The following ADARB2 variants were observed in gnomAD, a reference collection of about 807,000 sequenced individuals.
The protein encoded by ADARB2 is inactive double-stranded RNA-specific editase B2.
ADARB2 carries 25 observed loss-of-function variants against 62.2 expected under a neutral mutation model. The ratio of observed to expected loss-of-function variants is 0.40; its 90% CI spans 0.29 to 0.56. The LOEUF (loss-of-function observed/expected upper bound fraction) is 0.56, where lower values mean the gene tolerates loss of function less well. Ranked by LOEUF, ADARB2 falls within the 20% of genes least tolerant of loss-of-function variation. The probability of loss-of-function intolerance (pLI) is 0.43; values close to 1 mark genes in which losing one functional copy is unlikely to be tolerated. For synonymous variants in ADARB2, 572 were observed against 500.8 expected, an observed-to-expected ratio of 1.14 and a Z score of -1.90; for missense variants, 1,071 against 1,077.4, an observed-to-expected ratio of 0.99 and a Z score of 0.08.
At chr10:1,664,196 C>G (rs900878394) in intron 1 of ADARB2, among the ~76,000 whole-genome samples, 10 of 151,316 alleles carry the variant, frequency 6.6e-5, no homozygotes, top group Non-Finnish European at 1.3e-4. Flanking sequence ...ATGTGGGTTT[C>G]TGTGTGTCCG....
At chr10:1,320,617 C>T (rs1379657901) in intron 3 of ADARB2, among the ~76,000 whole-genome samples, 8 of 152,154 alleles carry the variant, frequency 5.3e-5, no homozygotes, top group Non-Finnish European at 1.2e-4. Context: ...AGAATTTTTC[C>T]ACAATGAATT....
chr10:1,535,210 G>A (rs905271063), intron 1 of ADARB2, among the ~76,000 whole-genome samples: 28 of 152,098 alleles, frequency 1.8e-4, no homozygotes, highest in South Asian at 1.5e-3. Context: ...TCTTTACGCC[G>A]TCCCCGGGCA....
chr10:1,644,581 C>G (rs1342375363), intron 1 of ADARB2, among the ~76,000 whole-genome samples: 1 of 152,248 alleles, frequency 6.6e-6, no homozygotes, highest in African/African-American at 2.4e-5. Flanking sequence ...GCAGGCTGTT[C>G]CCATTGCTGT....
chr10:1,397,861 G>C (rs751718819), intron 1 of ADARB2, among the ~76,000 whole-genome samples: 17 of 70,934 alleles, frequency 2.4e-4, no homozygotes, highest in African/African-American at 3.0e-4. Flanking sequence ...CTCCCGAGTG[G>C]AGGCTTCCTG....
intron 1 of ADARB2, among the ~76,000 whole-genome samples, chr10:1,677,639 C>T (rs1834484101): frequency 6.6e-6 from 1 of 152,192 alleles, no homozygotes; most frequent in Admixed American, 6.5e-5. Flanking sequence ...AAGAAGGCGG[C>T]TGTCTACCTG....
intron 1 of ADARB2, among the ~76,000 whole-genome samples, chr10:1,494,527 G>C (rs1453739778): frequency 6.6e-6 from 1 of 152,044 alleles, no homozygotes; most frequent in East Asian, 1.9e-4. Flanking sequence ...AGCACTCTTG[G>C]GGACAATAAC....
At chr10:1,262,908 TA>T (rs1261112295) in intron 4 of ADARB2, among the ~76,000 whole-genome samples, 2 of 151,952 alleles carry the variant, frequency 1.3e-5, no homozygotes, top group African/African-American at 4.8e-5. Context: ...TAGACTGGTT[TA>T]AGAAAATGTG....
chr10:1,607,697 T>C (rs140098234), intron 1 of ADARB2, among the ~76,000 whole-genome samples: 1 of 152,294 alleles, frequency 6.6e-6, no homozygotes, highest in African/African-American at 2.4e-5. Context: ...GCGACATGCA[T>C]AGAATCATGA....
chr10:1,592,446 C>A lies in ADARB2; in HGVS notation c.100+144605G>T, dbSNP rs879082452. Among the ~76,000 whole-genome samples, 38 of 16,684 alleles carry A rather than the reference C, an allele frequency of 2.3e-3. 11 individuals are homozygous for A. The highest frequency in any genetic ancestry group is 0.011 in the East Asian group (2 of 178). The allele number at this position is 16,684 out of a possible 152,430, so 10.9% of individuals were successfully genotyped here. A position where few individuals can be genotyped will look rare whatever the true frequency, so the allele number is the denominator to read the frequency against. ...ATGGTCCCCTCTGTCACCCAGCTAC[C>A]CTCGCCCAAGCCACCCTCCATAGGT... On this transcript the variant is annotated intron_variant, in intron 1 of 9. Transcript: ENST00000381312.
At chr10:1,275,959 A>G (rs571003207) in intron 3 of ADARB2, among the ~76,000 whole-genome samples, 2 of 152,186 alleles carry the variant, frequency 1.3e-5, no homozygotes, top group East Asian at 3.9e-4. Flanking sequence ...TAGTGCCGCA[A>G]TAAACATACG....
intron 1 of ADARB2, among the ~76,000 whole-genome samples, chr10:1,589,799 G>C (rs1817405389): frequency 6.6e-6 from 1 of 152,188 alleles, no homozygotes; most frequent in Non-Finnish European, 1.5e-5. Context: ...TCAGCCTCCT[G>C]AGTAGCTGGG....
At chr10:1,402,347 G>T (rs1488791117) in intron 1 of ADARB2, among the ~76,000 whole-genome samples, 1 of 152,164 alleles carries the variant, frequency 6.6e-6, no homozygotes. Context: ...GCACACACAC[G>T]TGGGGAGCCT....
At chr10:1,419,597 G>T (rs1832835941) in intron 1 of ADARB2, among the ~76,000 whole-genome samples, 1 of 152,228 alleles carries the variant, frequency 6.6e-6, no homozygotes, top group Non-Finnish European at 1.5e-5. Flanking sequence ...AAGCCCAGAT[G>T]GTTGGTGCTG....
At chr10:1,601,287 T>C (rs1002570211) in intron 1 of ADARB2, among the ~76,000 whole-genome samples, 28 of 152,270 alleles carry the variant, frequency 1.8e-4, no homozygotes, top group Non-Finnish European at 3.5e-4. Context: ...AAGTGGAAGA[T>C]AGGCCAGGTG....
At position 1,179,914 on chromosome 10, in the gene ADARB2, A is replaced by T. The variant is rs1295582920; in HGVS notation, c.*3279T>A. The stretch of plus-strand genomic sequence containing the variant: ...GCCCAGCGTATTTTCAGGGTGACAG[A>T]AAGTGACCCATCCCCTACTTGTGTC... On this transcript the variant is annotated 3_prime_UTR_variant, in exon 10 of 10. Transcript: ENST00000381312. The T allele has an allele frequency of 2.1e-5, 3 of 145,226 alleles. No homozygotes were observed. In the East Asian group the frequency reaches 5.8e-4, roughly 28 times the overall value. 9.0% of individuals were successfully genotyped at this position (145,226 alleles called of 1,614,324 possible). A position where few individuals can be genotyped will look rare whatever the true frequency, so the allele number is the denominator to read the frequency against.
At position 1,666,048 on chromosome 10, in the gene ADARB2, G is replaced by A. The variant is rs191151829; in HGVS notation, c.100+71003C>T. 3.8e-3 allele frequency among the ~76,000 whole-genome samples: 584 copies of A among 151,696 alleles called. 8 individuals carry two copies. The highest frequency in any genetic ancestry group is 0.014 in the African/African-American group (559 of 41,392). On this transcript the variant is annotated intron_variant, in intron 1 of 9. Coordinates refer to ENST00000381312, the MANE Select transcript of ADARB2 (RefSeq NM_018702.4). ...GCCAGGTGGAAGGACCGGGCATGGAGGCTCCAGGCTGAGACCAGCATTGGA... is the reference window on the plus strand; with the variant it reads ...GCCAGGTGGAAGGACCGGGCATGGAAGCTCCAGGCTGAGACCAGCATTGGA...
chr10:1,457,290 G>T (rs892101172), intron 1 of ADARB2, among the ~76,000 whole-genome samples: 8 of 152,156 alleles, frequency 5.3e-5, no homozygotes, highest in African/African-American at 1.2e-4. Flanking sequence ...CGCTGGACAC[G>T]ACCATTGAGA....
rs113164531 is a variant in ADARB2 at position 1,186,701 on chromosome 10, C to T, written c.1865-1662G>A. 529 of 415,220 alleles carry T rather than the reference C, an allele frequency of 1.3e-3. 1 individual carries two copies. The highest frequency in any genetic ancestry group is 9.1e-3 in the African/African-American group (446 of 49,130). The allele number at this position is 415,220 out of a possible 1,614,324, so 25.7% of individuals were successfully genotyped here. On this transcript the variant is annotated intron_variant, in intron 8 of 9. Transcript: ENST00000381312. ...GCGGTGCCTGCAGAGAAGAACTTGG[C>T]GTCTTGGCCAGGGCATTGCATATAG...
intron 1 of ADARB2, among the ~76,000 whole-genome samples, chr10:1,410,758 G>A (rs1832752735): frequency 6.6e-6 from 1 of 152,024 alleles, no homozygotes; most frequent in Non-Finnish European, 1.5e-5. Context: ...TTCACCACGG[G>A]GATGAGCAGG....
Sources: allele counts gnomAD v4.1 joint callset (sites outside exome capture counted in the v4.1 genomes callset), GRCh38; gene constraint gnomAD v4.1.1; transcripts MANE v1.5; gene names NCBI Gene and HGNC (gene_info 2026-07-23, HGNC 2026-07-21).